The following PCDH11Y variants were observed in gnomAD, a reference collection of about 807,000 sequenced individuals.
PCDH11Y encodes protocadherin-11 Y-linked.
For missense variants in PCDH11Y, 12 were observed against 224.8 expected (o/e 0.05, Z 6.05); for synonymous variants, 9 against 83.6 (o/e 0.11, Z 4.87).
chrY:5,495,289 C>G, intron 2 of PCDH11Y, among the ~76,000 whole-genome samples: 1 of 32,847 alleles, frequency 3.0e-5, no homozygotes. Flanking sequence ...GATGTGCATG[C>G]TGGCCATATA....
intron 2 of PCDH11Y, among the ~76,000 whole-genome samples, chrY:5,115,859 G>A: frequency 3.6e-5 from 1 of 27,459 alleles, no homozygotes; most frequent in Non-Finnish European, 8.3e-5. Flanking sequence ...TCCTGCCTCA[G>A]CCTCCTGAGT....
At chrY:5,594,063 G>T (rs2053464831) in intron 4 of PCDH11Y, among the ~76,000 whole-genome samples, 1 of 32,930 alleles carries the variant, frequency 3.0e-5, no homozygotes, top group Non-Finnish European at 7.5e-5. Context: ...GGCACCTAGT[G>T]GGTATTGGGG....
intron 4 of PCDH11Y, among the ~76,000 whole-genome samples, chrY:5,710,693 A>G: frequency 1.5e-4 from 5 of 32,787 alleles, no homozygotes; most frequent in Non-Finnish European, 3.0e-4. Flanking sequence ...GCATGACTTT[A>G]TGACTATGTG....
intron 2 of PCDH11Y, among the ~76,000 whole-genome samples, chrY:5,245,658 T>C: frequency 3.2e-5 from 1 of 30,885 alleles, no homozygotes; most frequent in Non-Finnish European, 7.8e-5. Flanking sequence ...AATGAAAAAA[T>C]TCTGAAAACC....
intron 4 of PCDH11Y, among the ~76,000 whole-genome samples, chrY:5,624,227 C>T: frequency 3.1e-5 from 1 of 31,769 alleles, no homozygotes; most frequent in Non-Finnish European, 7.7e-5. Context: ...CTTATACATT[C>T]TGGATATTAG....
chrY:5,372,195 A>G, intron 2 of PCDH11Y, among the ~76,000 whole-genome samples: 1 of 31,838 alleles, frequency 3.1e-5, no homozygotes, highest in Admixed American at 2.9e-4. Flanking sequence ...TTTGATCACA[A>G]TCTCTAATTG....
At chrY:5,521,876 A>T (rs2053381375) in intron 3 of PCDH11Y, among the ~76,000 whole-genome samples, 1 of 32,966 alleles carries the variant, frequency 3.0e-5, no homozygotes, top group African/African-American at 1.2e-4. Flanking sequence ...TATTTTCTTT[A>T]TTTTATTTTT....
chrY:5,117,066 C>A, intron 2 of PCDH11Y, among the ~76,000 whole-genome samples: 5 of 32,076 alleles, frequency 1.6e-4, no homozygotes, highest in African/African-American at 6.2e-4. Flanking sequence ...AGCTTCTCAT[C>A]CTCTGGGCAC....
At chrY:5,476,001 T>C in intron 2 of PCDH11Y, among the ~76,000 whole-genome samples, 1 of 32,929 alleles carries the variant, frequency 3.0e-5, no homozygotes, top group African/African-American at 1.2e-4. Context: ...TTTGCAGGAC[T>C]GGAAGTTGCT....
At chrY:5,596,766 A>T in intron 4 of PCDH11Y, among the ~76,000 whole-genome samples, 1 of 11,899 alleles carries the variant, frequency 8.4e-5, no homozygotes, top group Admixed American at 1.0e-3. Flanking sequence ...AAAAATAGTT[A>T]TTCAAGACTT....
intron 2 of PCDH11Y, among the ~76,000 whole-genome samples, chrY:5,382,415 G>T: frequency 3.0e-5 from 1 of 33,145 alleles, no homozygotes. Flanking sequence ...CCATTTAATG[G>T]CAAAAGGATA....
At chrY:5,597,100 C>G (rs2053467522) in intron 4 of PCDH11Y, among the ~76,000 whole-genome samples, 1 of 30,569 alleles carries the variant, frequency 3.3e-5, no homozygotes, top group Non-Finnish European at 7.8e-5. Flanking sequence ...AGCAATCCCA[C>G]TACTGGATAT....
At chrY:5,587,231 G>A in intron 4 of PCDH11Y, among the ~76,000 whole-genome samples, 2 of 32,177 alleles carry the variant, frequency 6.2e-5, no homozygotes, top group Non-Finnish European at 1.5e-4. Context: ...TGAGTGTATG[G>A]TTTCCAAAAT....
chrY:5,605,085 G>A, intron 4 of PCDH11Y, among the ~76,000 whole-genome samples: 1 of 32,682 alleles, frequency 3.1e-5, no homozygotes. Context: ...ATAATATTAT[G>A]GGATATCAAG....
At chrY:5,287,225 A>G in intron 2 of PCDH11Y, among the ~76,000 whole-genome samples, 1 of 33,713 alleles carries the variant, frequency 3.0e-5, no homozygotes, top group East Asian at 8.0e-4. Context: ...ATGAGATACC[A>G]TCTCATGCCA....
chrY:5,492,243 A>G, intron 2 of PCDH11Y, among the ~76,000 whole-genome samples: 1 of 32,754 alleles, frequency 3.1e-5, no homozygotes, highest in African/African-American at 1.2e-4. Context: ...TCCAAATAAT[A>G]TATTGGGGGT....
At chrY:5,448,815 G>A in intron 2 of PCDH11Y, among the ~76,000 whole-genome samples, 1 of 33,025 alleles carries the variant, frequency 3.0e-5, no homozygotes, top group Non-Finnish European at 7.5e-5. Context: ...CATAGATTAA[G>A]GTTGGCAGCT....
intron 2 of PCDH11Y, among the ~76,000 whole-genome samples, chrY:5,497,744 C>T: frequency 3.0e-5 from 1 of 33,716 alleles, no homozygotes; most frequent in African/African-American, 1.2e-4. Context: ...TCACCTTGCC[C>T]GCTGCCTAGA....
intron 1 of PCDH11Y, among the ~76,000 whole-genome samples, chrY:5,014,214 T>C: frequency 3.3e-5 from 1 of 30,626 alleles, no homozygotes; most frequent in Admixed American, 3.1e-4. Flanking sequence ...ACATACCTTT[T>C]AGGTGTCAGA....
Sources: gnomAD v4.1 joint callset for allele counts (sites outside exome capture counted in the v4.1 genomes callset) on GRCh38, gnomAD v4.1.1 for gene constraint, MANE v1.5 for transcripts, NCBI Gene and HGNC (gene_info 2026-07-23, HGNC 2026-07-21) for gene names.